CDX1: variants seen among roughly 807,000 people sequenced by gnomAD.
The protein encoded by CDX1 is caudal type homeobox 1.
In CDX1, 9 loss-of-function variants were observed where a neutral mutation model predicts 16.9. The ratio of observed to expected loss-of-function variants is 0.53; its 90% CI spans 0.32 to 0.93. The LOEUF (loss-of-function observed/expected upper bound fraction) is 0.93, where lower values mean the gene tolerates loss of function less well. CDX1 is among the 40% of genes least tolerant of loss of function. The probability of loss-of-function intolerance (pLI) is 0.04; values close to 1 mark genes in which losing one functional copy is unlikely to be tolerated. For synonymous variants in CDX1, 179 were observed against 179.0 expected (o/e 1.00, Z 0.00); for missense variants, 393 against 386.1 (o/e 1.02, Z -0.15).
rs894873326 is a variant in CDX1 at position 150,183,495 on chromosome 5, C to A, written c.613C>A (p.Arg205=). 6.2e-7 allele frequency: 1 copy of A among 1,606,396 alleles called. No homozygotes were observed. The highest frequency in any genetic ancestry group is 2.2e-5 in the East Asian group (1 of 44,760). Residue 205 remains arginine (R), a synonymous_variant, in exon 3 of 3, where the codon CGG becomes AGG. Transcript: ENST00000231656. ...ACAGGTGAAGATCTGGTTCCAAAAC[C>A]GGCGGGCAAAGGAGCGCAAAGTGAA... ...ERQVKIWFQN[R]RAKERKVNKK... is the part of the protein sequence containing the mutation.
At chr5:150,173,115 C>T (rs1358996552) in intron 1 of CDX1, among the ~76,000 whole-genome samples, 3 of 152,244 alleles carry the variant, frequency 2.0e-5, no homozygotes, top group Non-Finnish European at 4.4e-5. Context: ...GCTCCACACC[C>T]TCCCATGGCT....
Position 150,166,790 on chromosome 5 carries a change from G to C in CDX1, c.-87G>C. The C allele has an allele frequency of 1.0e-6, 1 of 960,522 alleles. No homozygotes were observed. 59.5% of individuals were successfully genotyped at this position (960,522 alleles called of 1,614,324 possible). On this transcript the variant is annotated 5_prime_UTR_variant, in exon 1 of 3. Transcript: ENST00000231656. ...GGGCGGGCGCGGCGGCAGGACAGCCGAGTTCAGGTGAGCGGTTGCTCGTCG... is the reference window on the plus strand; with the variant it reads ...GGGCGGGCGCGGCGGCAGGACAGCCCAGTTCAGGTGAGCGGTTGCTCGTCG...
chr5:150,170,331 C>T (rs1221342265), intron 1 of CDX1, among the ~76,000 whole-genome samples: 1 of 152,198 alleles, frequency 6.6e-6, no homozygotes, highest in Admixed American at 6.5e-5. Flanking sequence ...GCACTAATTC[C>T]AATCTACTCA....
In CDX1 at chr5:150,166,909, G is replaced by A; in HGVS notation, c.33G>A (p.Ser11=). The A allele has an allele frequency of 6.6e-7, 1 of 1,517,594 alleles. No homozygotes were observed. The highest frequency in any genetic ancestry group is 8.8e-7 in the Non-Finnish European group (1 of 1,138,720). The allele number at this position is 1,517,594 out of a possible 1,614,324, so 94.0% of individuals were successfully genotyped here. A position where few individuals can be genotyped will look rare whatever the true frequency, so the allele number is the denominator to read the frequency against. MYVGYVLDKD[S]PVYPGPARPA... Reference sequence around the variant, plus strand: ...TGGGCTATGTGCTGGACAAGGATTCGCCCGTGTACCCCGGCCCAGCCAGGC... The same window carrying A: ...TGGGCTATGTGCTGGACAAGGATTCACCCGTGTACCCCGGCCCAGCCAGGC... Residue 11 remains serine (S), a synonymous_variant, in exon 1 of 3, where the codon TCG becomes TCA. Coordinates refer to ENST00000231656, the MANE Select transcript of CDX1 (RefSeq NM_001804.3).
At chr5:150,178,912 T>C (rs1392979870) in intron 1 of CDX1, among the ~76,000 whole-genome samples, 1 of 152,226 alleles carries the variant, frequency 6.6e-6, no homozygotes, top group Non-Finnish European at 1.5e-5. Context: ...TTGAAATTTC[T>C]TTTTAATGAC....
rs775819953 is a variant in CDX1 at position 150,183,560 on chromosome 5, G to A, written c.678G>A (p.Pro226=). 40 of 1,612,292 alleles carry A rather than the reference G, an allele frequency of 2.5e-5. No individual in the cohort carries two copies. Among genetic ancestry groups the A allele is most frequent in the African/African-American group, 6.7e-5 (5 of 74,898 alleles). ...KQQQQQPPQP[P]MAHDITATPA... ...AGCAGCAACAGCCCCCACAGCCGCC[G>A]ATGGCCCACGACATCACGGCCACCC... Residue 226 remains proline (P), a synonymous_variant, in exon 3 of 3, where the codon CCG becomes CCA. Transcript: ENST00000231656.
chr5:150,170,619 A>T (rs1171068057), intron 1 of CDX1, among the ~76,000 whole-genome samples: 1 of 152,130 alleles, frequency 6.6e-6, no homozygotes, highest in Non-Finnish European at 1.5e-5. Flanking sequence ...GGTCAATGGA[A>T]ACCTGGCTGC....
At chr5:150,183,061 C>CTGTG in intron 2 of CDX1, 148 bp downstream of exon 2, 2 of 985,612 alleles carry the variant, frequency 2.0e-6, no homozygotes, top group Non-Finnish European at 1.5e-6. Flanking sequence ...AACTGAGGTG[C>CTGTG]TACCAGCACC....
chr5:150,183,780 C>G lies in CDX1; in HGVS notation c.*100C>G. On this transcript the variant is annotated 3_prime_UTR_variant, in exon 3 of 3. Transcript: ENST00000231656. Reference sequence around the variant, plus strand: ...GTCTGGTCCGAGTCTCAGCCCTGACCTTCTGGGACATGGTGGACAGTCACC... The same window carrying G: ...GTCTGGTCCGAGTCTCAGCCCTGACGTTCTGGGACATGGTGGACAGTCACC... 1.0e-6 allele frequency: 1 copy of G among 968,594 alleles called. No homozygotes were observed. The highest frequency in any genetic ancestry group is 1.5e-6 in the Non-Finnish European group (1 of 673,756). 60.0% of individuals were successfully genotyped at this position (968,594 alleles called of 1,614,324 possible). A position where few individuals can be genotyped will look rare whatever the true frequency, so the allele number is the denominator to read the frequency against.
chr5:150,181,544 G>T (rs1461375015), intron 1 of CDX1, among the ~76,000 whole-genome samples: 2 of 152,206 alleles, frequency 1.3e-5, no homozygotes, highest in South Asian at 4.1e-4. Context: ...CCCATAAAGT[G>T]CTGGGATTAC....
At position 150,183,710 on chromosome 5, in the gene CDX1, C is replaced by A; in HGVS notation, c.*30C>A. 6.7e-7 allele frequency: 1 copy of A among 1,490,074 alleles called. No individual in the cohort carries two copies. The allele number at this position is 1,490,074 out of a possible 1,614,324, so 92.3% of individuals were successfully genotyped here. ...ATGCCCAGCCTGTGCGCCGGGGGAC[C>A]TGGGGACTCGGGTGCTGGGAGTGTG... On this transcript the variant is annotated 3_prime_UTR_variant, in exon 3 of 3. Coordinates refer to ENST00000231656, the MANE Select transcript of CDX1 (RefSeq NM_001804.3).
At chr5:150,172,039 T>A (rs1761514212) in intron 1 of CDX1, among the ~76,000 whole-genome samples, 1 of 152,162 alleles carries the variant, frequency 6.6e-6, no homozygotes, top group Non-Finnish European at 1.5e-5. Flanking sequence ...TCTAGTCTGG[T>A]CCCTCGGCCT....
At chr5:150,173,239 A>G (rs995807817) in intron 1 of CDX1, among the ~76,000 whole-genome samples, 2 of 152,210 alleles carry the variant, frequency 1.3e-5, no homozygotes, top group Non-Finnish European at 2.9e-5. Flanking sequence ...GCAAGCAGTA[A>G]TATTCTCTGA....
intron 1 of CDX1, among the ~76,000 whole-genome samples, chr5:150,179,644 G>C (rs1761615047): frequency 6.6e-6 from 1 of 152,220 alleles, no homozygotes. Context: ...ACCACTGCCT[G>C]TCATCCCTAG....
chr5:150,169,788 C>G (rs1299772527), intron 1 of CDX1, among the ~76,000 whole-genome samples: 1 of 152,186 alleles, frequency 6.6e-6, no homozygotes, highest in Non-Finnish European at 1.5e-5. Context: ...TGGCTAGCCC[C>G]CTTTTGCCCC....
chr5:150,176,106 C>G (rs1042187429), intron 1 of CDX1, among the ~76,000 whole-genome samples: 1 of 152,162 alleles, frequency 6.6e-6, no homozygotes, highest in Non-Finnish European at 1.5e-5. Flanking sequence ...CCAGCCTTTC[C>G]CAAACCTCAG....
chr5:150,169,940 G>T (rs1761482564), intron 1 of CDX1, among the ~76,000 whole-genome samples: 1 of 152,210 alleles, frequency 6.6e-6, no homozygotes, highest in African/African-American at 2.4e-5. Flanking sequence ...GATGTCAGAA[G>T]AATTGGTTTA....
intron 1 of CDX1, 92 bp downstream of exon 1, chr5:150,167,413 G>C: frequency 1.1e-6 from 1 of 927,406 alleles, no homozygotes. Context: ...CTCCGGCCCT[G>C]CTCGGGTTCC....
intron 1 of CDX1, among the ~76,000 whole-genome samples, chr5:150,169,554 G>A (rs1761477787): frequency 6.6e-6 from 1 of 152,166 alleles, no homozygotes; most frequent in South Asian, 2.1e-4. Flanking sequence ...CCTGAAGTGG[G>A]GGCAGAATTG....
Sources: gnomAD v4.1 joint callset for allele counts (sites outside exome capture counted in the v4.1 genomes callset) on GRCh38, gnomAD v4.1.1 for gene constraint, MANE v1.5 for transcripts, NCBI Gene and HGNC (gene_info 2026-07-23, HGNC 2026-07-21) for gene names.